Variants in FAM193A observed in about 807,000 individuals in gnomAD.
The protein encoded by FAM193A is family with sequence similarity 193 member A, also known as protein FAM193A.
A neutral mutation model predicts 126.5 loss-of-function variants in FAM193A; 22 were observed. That is an observed-to-expected ratio of 0.17 (90% CI 0.12 to 0.25). FAM193A has a LOEUF of 0.25. Among genes scored for constraint, FAM193A ranks in the 10% least tolerant of loss-of-function variants. The pLI, the probability that FAM193A is intolerant of heterozygous loss-of-function variation, is 1.00. For missense variants in FAM193A, 1,675 were observed against 1,672.8 expected, an observed-to-expected ratio of 1.00 and a Z score of -0.02; for synonymous variants, 761 against 646.8, an observed-to-expected ratio of 1.18 and a Z score of -2.68.
intron 1 of FAM193A, among the ~76,000 whole-genome samples, chr4:2,560,550 T>C (rs1738548744): frequency 6.6e-6 from 1 of 152,210 alleles, no homozygotes; most frequent in African/African-American, 2.4e-5. Context: ...TTGGGACGTC[T>C]TTTGTCTTTT....
At chr4:2,703,322 C>G (rs1186049356) in intron 19 of FAM193A, among the ~76,000 whole-genome samples, 1 of 152,206 alleles carries the variant, frequency 6.6e-6, no homozygotes, top group African/African-American at 2.4e-5. Flanking sequence ...TCTCGGCTCA[C>G]TGCATCCTCC....
intron 2 of FAM193A, among the ~76,000 whole-genome samples, chr4:2,602,598 C>T (rs1377837422): frequency 6.6e-6 from 1 of 151,976 alleles, no homozygotes; most frequent in Admixed American, 6.6e-5. Flanking sequence ...GGTGATCCAC[C>T]CACCTTGGCC....
intron 2 of FAM193A, among the ~76,000 whole-genome samples, chr4:2,624,184 T>TC (rs1402413728): frequency 7.1e-6 from 1 of 141,710 alleles, no homozygotes; most frequent in African/African-American, 2.8e-5. Context: ...TCTCTCTCTC[T>TC]TTTTTTTTTT....
At chr4:2,538,304 C>G (rs1177685063) in intron 1 of FAM193A, among the ~76,000 whole-genome samples, 1 of 151,692 alleles carries the variant, frequency 6.6e-6, no homozygotes, top group East Asian at 1.9e-4. Context: ...CGGGTTCAAG[C>G]GATTCTCCTG....
chr4:2,705,149 A>G (rs1292790077), intron 19 of FAM193A, among the ~76,000 whole-genome samples: 1 of 152,140 alleles, frequency 6.6e-6, no homozygotes, highest in Non-Finnish European at 1.5e-5. Flanking sequence ...TGACCTCACA[A>G]TCCGCCTGTC....
intron 4 of FAM193A, among the ~76,000 whole-genome samples, chr4:2,629,942 C>G (rs548348795): frequency 9.3e-4 from 142 of 152,200 alleles, no homozygotes; most frequent in African/African-American, 1.5e-3. Flanking sequence ...ACCATCCTGG[C>G]TAACATGGTG....
At chr4:2,554,260 T>C (rs969842393) in intron 1 of FAM193A, among the ~76,000 whole-genome samples, 4 of 152,064 alleles carry the variant, frequency 2.6e-5, no homozygotes, top group Non-Finnish European at 4.4e-5. Context: ...AAGTTTTGTA[T>C]TTTTAGTAGA....
chr4:2,653,754 T>C (rs1308294590), intron 7 of FAM193A, among the ~76,000 whole-genome samples: 2 of 152,220 alleles, frequency 1.3e-5, no homozygotes, highest in Non-Finnish European at 2.9e-5. Flanking sequence ...GAGATGCATT[T>C]TTATTTTCAC....
intron 6 of FAM193A, 59 bp from the exon 7 acceptor site, chr4:2,646,626 G>C (rs1745168334): frequency 2.0e-6 from 3 of 1,515,556 alleles, no homozygotes; most frequent in Non-Finnish European, 2.7e-6. Context: ...GCACATTTCT[G>C]ATCTCTGCTT....
chr4:2,650,441 G>C (rs547259989), intron 7 of FAM193A, among the ~76,000 whole-genome samples: 2 of 152,278 alleles, frequency 1.3e-5, no homozygotes, highest in South Asian at 2.1e-4. Context: ...TTTCCTGCCC[G>C]GCTCACTCTC....
At chr4:2,635,268 C>T (rs545363486) in intron 5 of FAM193A, among the ~76,000 whole-genome samples, 3 of 152,274 alleles carry the variant, frequency 2.0e-5, no homozygotes, top group Non-Finnish European at 4.4e-5. Flanking sequence ...AAGATAAACT[C>T]GGTGTCTCAG....
chr4:2,613,703 C>T (rs916065025), intron 2 of FAM193A, among the ~76,000 whole-genome samples: 1 of 151,698 alleles, frequency 6.6e-6, no homozygotes, highest in African/African-American at 2.4e-5. Context: ...ATCCGCATGC[C>T]TTGGCCTCCC....
chr4:2,572,708 G>A (rs1213274236), intron 1 of FAM193A, among the ~76,000 whole-genome samples: 5 of 152,084 alleles, frequency 3.3e-5, no homozygotes. Flanking sequence ...CTGGAGGGCT[G>A]GGGCGAGGAT....
chr4:2,687,318 C>T (rs746670256), intron 13 of FAM193A, among the ~76,000 whole-genome samples: 25 of 152,244 alleles, frequency 1.6e-4, no homozygotes, highest in Non-Finnish European at 2.2e-4. Flanking sequence ...TGCACCATCA[C>T]ACTCACTGAA....
intron 6 of FAM193A, among the ~76,000 whole-genome samples, chr4:2,640,756 G>A (rs1201619070): frequency 1.3e-5 from 2 of 152,100 alleles, no homozygotes; most frequent in East Asian, 2.0e-4. Flanking sequence ...CCTGAGGTCA[G>A]GAGTTTGAGA....
At chr4:2,537,352 C>G (rs965254652) in intron 1 of FAM193A, among the ~76,000 whole-genome samples, 182 bp downstream of exon 1, 2 of 152,166 alleles carry the variant, frequency 1.3e-5, no homozygotes, top group African/African-American at 4.8e-5. Flanking sequence ...GCAGGTGGGC[C>G]GTGCTCGGCG....
At chr4:2,707,090 C>G (rs1010640122) in intron 19 of FAM193A, among the ~76,000 whole-genome samples, 8 of 151,972 alleles carry the variant, frequency 5.3e-5, no homozygotes, top group Non-Finnish European at 1.0e-4. Flanking sequence ...CCACTGCGCT[C>G]CAGCCGAGGC....
At chr4:2,701,516 T>C (rs1010081758) in intron 19 of FAM193A, among the ~76,000 whole-genome samples, 1 of 152,138 alleles carries the variant, frequency 6.6e-6, no homozygotes, top group Non-Finnish European at 1.5e-5. Context: ...GCAACACCAC[T>C]GATGTGGCCA....
chr4:2,603,905 C>T (rs1347579070), intron 2 of FAM193A, among the ~76,000 whole-genome samples: 2 of 152,060 alleles, frequency 1.3e-5, no homozygotes, highest in Admixed American at 6.6e-5. Context: ...TGTAGTGGCA[C>T]GATCTTGGCT....
Sources: allele counts gnomAD v4.1 joint callset (sites outside exome capture counted in the v4.1 genomes callset), GRCh38; gene constraint gnomAD v4.1.1; transcripts MANE v1.5; gene names NCBI Gene and HGNC (gene_info 2026-07-23, HGNC 2026-07-21).